The following ADH7 variants were observed in gnomAD, a reference collection of about 807,000 sequenced individuals.
ADH7 encodes alcohol dehydrogenase 7 (class IV), mu or sigma polypeptide, also known as all-trans-retinol dehydrogenase [NAD(+)] ADH7.
ADH7 carries 41 observed loss-of-function variants against 34.4 expected under a neutral mutation model. The ratio of observed to expected loss-of-function variants is 1.19; its 90% CI spans 0.93 to 1.55. The LOEUF (loss-of-function observed/expected upper bound fraction) is 1.55, where lower values mean the gene tolerates loss of function less well. Among genes scored for constraint, ADH7 ranks in the 40% most tolerant of loss-of-function variants. ADH7 has a pLI of 0.00. For synonymous variants in ADH7, 180 were observed against 160.9 expected (o/e 1.12, Z -0.90); for missense variants, 540 against 461.2 (o/e 1.17, Z -1.56).
At chr4:99,416,199 C>G (rs140232798) in intron 7 of ADH7, among the ~76,000 whole-genome samples, 3 of 152,104 alleles carry the variant, frequency 2.0e-5, no homozygotes, top group Non-Finnish European at 2.9e-5. Context: ...ATACCCACAT[C>G]TCCTTCCAGT....
At chr4:99,415,792 A>G in intron 7 of ADH7, 176 bp from the exon 8 acceptor site, 3 of 552,432 alleles carry the variant, frequency 5.4e-6, no homozygotes, top group Non-Finnish European at 9.0e-6. Context: ...TTATGCAGCC[A>G]TAAAAAAGAA....
rs1237892971 is a variant in ADH7, at chr4:99,418,976, C to T, written c.961+10G>A. ...CATCACTCCCCATCCAGAGGCTTTG[C>T]TTTCCTGACCTCCAAAGACACATCC... On this transcript the variant is annotated intron_variant, in intron 7 of 8. Transcript: ENST00000437033. 3 of 1,612,896 alleles carry T rather than the reference C, an allele frequency of 1.9e-6. No individual in the cohort carries two copies. The highest frequency in any genetic ancestry group is 2.5e-6 in the Non-Finnish European group (3 of 1,179,442).
At position 99,420,736 on chromosome 4, in the gene ADH7, T is replaced by A. The variant is rs748749823; in HGVS notation, c.622A>T (p.Ile208Phe). 1.9e-6 allele frequency: 3 copies of A among 1,613,788 alleles called. No homozygotes were observed. Among genetic ancestry groups the A allele is most frequent in the Non-Finnish European group, 8.5e-7 (1 of 1,179,916 alleles). ...GCACCAGCTGACTTACAGCCCATGA[T>A]GACTGACAGGCCAACTCCTCCCAGG... The part of the protein sequence containing the change: ...FGLGGVGLSV[I>F]MGCKSAGASR... Residue 208 changes from isoleucine to phenylalanine, a missense_variant, in exon 6 of 9, where the codon ATC (isoleucine) becomes TTC (phenylalanine). Coordinates refer to ENST00000437033, the MANE Select transcript of ADH7 (RefSeq NM_000673.7).
Position 99,435,217 on chromosome 4 carries a change from T to A in ADH7, c.17A>T (p.Lys6Ile). The part of the protein sequence containing the change: MGTAG[K>I]VIKCKAAVLW... ...AGGGGACAGAAATGTTCCACTTACT[T>A]TTCCAGCAGTGCCCATCCTGTCTTT... The change falls in exon 1 of 9, where the codon AAA becomes ATA. Residue 6 changes from lysine (K) to isoleucine (I), a missense_variant and splice_region_variant. Coordinates refer to ENST00000437033, the MANE Select transcript of ADH7 (RefSeq NM_000673.7). 1 of 1,613,284 alleles carries A rather than the reference T, an allele frequency of 6.2e-7. No homozygotes were observed. The highest frequency in any genetic ancestry group is 8.5e-7 in the Non-Finnish European group (1 of 1,179,696).
chr4:99,434,951 AT>A (rs1175238063), intron 1 of ADH7: 4 of 1,274,896 alleles, frequency 3.1e-6, no homozygotes, highest in Non-Finnish European at 4.4e-6. Flanking sequence ...CAAATTATGA[AT>A]AATGCCAATA....
At chr4:99,426,821 G>C (rs1333358841) in intron 5 of ADH7, among the ~76,000 whole-genome samples, 2 of 152,078 alleles carry the variant, frequency 1.3e-5, no homozygotes, top group Non-Finnish European at 2.9e-5. Context: ...ATAAAATACT[G>C]GCAAACCGAA....
At chr4:99,430,927 G>A (rs1053420887) in intron 1 of ADH7, among the ~76,000 whole-genome samples, 2 of 152,092 alleles carry the variant, frequency 1.3e-5, no homozygotes, top group Non-Finnish European at 2.9e-5. Context: ...CACCCGAGTA[G>A]CTGAGACTAC....
chr4:99,415,727 T>C, intron 7 of ADH7, 111 bp from the exon 8 acceptor site: 1 of 1,161,298 alleles, frequency 8.6e-7, no homozygotes, highest in Non-Finnish European at 1.2e-6. Flanking sequence ...CTGTGTTAGA[T>C]CATTCCCAGC....
At chr4:99,417,294 C>T (rs1365294112) in intron 7 of ADH7, among the ~76,000 whole-genome samples, 3 of 152,150 alleles carry the variant, frequency 2.0e-5, no homozygotes, top group African/African-American at 7.2e-5. Context: ...GGTCCTCTGA[C>T]CCCAGCTGTG....
intron 1 of ADH7, among the ~76,000 whole-genome samples, chr4:99,432,227 T>C (rs769082147): frequency 8.5e-5 from 13 of 152,072 alleles, no homozygotes; most frequent in Non-Finnish European, 1.5e-4. Context: ...GAAAACTAAA[T>C]ACTACATGTT....
At chr4:99,425,847 A>C (rs1290440599) in intron 5 of ADH7, among the ~76,000 whole-genome samples, 5 of 152,018 alleles carry the variant, frequency 3.3e-5, no homozygotes, top group Non-Finnish European at 5.9e-5. Context: ...AACACAAATT[A>C]TAACAAACTG....
At chr4:99,415,409 C>G (rs564388118) in intron 8 of ADH7, 69 bp downstream of exon 8, 1 of 1,460,822 alleles carries the variant, frequency 6.8e-7, no homozygotes, top group Non-Finnish European at 9.5e-7. Flanking sequence ...AAAACAGGCA[C>G]ATTTATAAGT....
chr4:99,414,748 T>C (rs908927919), intron 8 of ADH7, among the ~76,000 whole-genome samples: 9 of 152,282 alleles, frequency 5.9e-5, no homozygotes, highest in African/African-American at 1.9e-4. Context: ...GTAAAAATAA[T>C]ACCTGGCTTA....
chr4:99,431,295 C>A (rs1441251671), intron 1 of ADH7, among the ~76,000 whole-genome samples: 1 of 152,064 alleles, frequency 6.6e-6, no homozygotes, highest in East Asian at 1.9e-4. Flanking sequence ...GAAGCTAGAC[C>A]CCTTCCTTAT....
At chr4:99,416,609 T>C (rs1387487786) in intron 7 of ADH7, among the ~76,000 whole-genome samples, 2 of 152,110 alleles carry the variant, frequency 1.3e-5, no homozygotes, top group African/African-American at 4.8e-5. Context: ...ACTCCAACGA[T>C]TCCTAGGGCT....
At position 99,419,059 on chromosome 4, in the gene ADH7, T is replaced by A; in HGVS notation, c.888A>T (p.Pro296=). 1 of 1,613,890 alleles carries A rather than the reference T, an allele frequency of 6.2e-7. No homozygotes were observed. Among genetic ancestry groups the A allele is most frequent in the Non-Finnish European group, 8.5e-7 (1 of 1,179,876 alleles). ...GGTCATAGGTGAGCATCTTGGCTGA[T>A]GGAGGAACTCCTACAACCACGCTGG... is the stretch of plus-strand genomic sequence containing the variant. ...YGTSVVVGVP[P]SAKMLTYDPM... is the part of the protein sequence containing the mutation. The change falls in exon 7 of 9, where the codon CCA becomes CCT. Residue 296 remains proline (P), a synonymous_variant. Transcript: ENST00000437033.
Position 99,429,572 on chromosome 4 carries a change from A to T in ADH7, c.80T>A (p.Ile27Lys). The change falls in exon 2 of 9, where the codon ATA (isoleucine) becomes AAA (lysine). Residue 27 changes from isoleucine (I) to lysine (K), a missense_variant. Ile to Lys is a moderately radical substitution (Grantham distance 102, BLOSUM62 -3). Transcript: ENST00000437033. ...EQKQPFSIEE[I>K]EVAPPKTKEV... Reference sequence around the variant, plus strand: ...TTTAGTCTTTGGTGGGGCAACTTCTATTTCCTCAATGGAGAAGGGTTGCTT... The same window carrying T: ...TTTAGTCTTTGGTGGGGCAACTTCTTTTTCCTCAATGGAGAAGGGTTGCTT... The T allele has an allele frequency of 6.2e-7, 1 of 1,612,482 alleles. No individual in the cohort carries two copies. The highest frequency in any genetic ancestry group is 8.5e-7 in the Non-Finnish European group (1 of 1,179,276).
intron 5 of ADH7, among the ~76,000 whole-genome samples, chr4:99,422,790 T>A (rs1239423477): frequency 1.3e-5 from 2 of 151,070 alleles, no homozygotes; most frequent in African/African-American, 2.4e-5. Flanking sequence ...TTTAATAATG[T>A]ATTAGGTCAA....
rs181222741 is a variant in ADH7, at chr4:99,416,433, T to C, written c.962-817A>G. ...GTCATTTCTCAGTCCTCCTCTTATA[T>C]GAACTGTTAGGTATAACTGATACTG... On this transcript the variant is annotated intron_variant, in intron 7 of 8. Coordinates refer to ENST00000437033, the MANE Select transcript of ADH7 (RefSeq NM_000673.7). Among the ~76,000 whole-genome samples the C allele has an allele frequency of 1.2e-4, 19 of 152,276 alleles. No homozygotes were observed. In the East Asian group the frequency reaches 3.5e-3, roughly 28 times the overall value.
Sources: allele counts gnomAD v4.1 joint callset (sites outside exome capture counted in the v4.1 genomes callset), GRCh38; gene constraint gnomAD v4.1.1; transcripts MANE v1.5; gene names NCBI Gene and HGNC (gene_info 2026-07-23, HGNC 2026-07-21).